Variants in DNAH7 observed in about 807,000 individuals in gnomAD.
DNAH7 encodes dynein axonemal heavy chain 7, also known as axonemal beta dynein heavy chain 7.
DNAH7 carries 397 observed loss-of-function variants against 444.6 expected under a neutral mutation model. That is an observed-to-expected ratio of 0.89 (90% CI 0.82 to 0.97). The LOEUF (loss-of-function observed/expected upper bound fraction) is 0.97. DNAH7 is among the 50% of genes least tolerant of loss of function. The probability of loss-of-function intolerance (pLI) is 0.00; values close to 1 mark genes in which losing one functional copy is unlikely to be tolerated. For missense variants in DNAH7, 4,902 were observed against 4,800.8 expected, an observed-to-expected ratio of 1.02 and a Z score of -0.62; for synonymous variants, 1,636 against 1,624.4, an observed-to-expected ratio of 1.01 and a Z score of -0.17.
At chr2:196,057,997 G>A (rs945548530) in intron 2 of DNAH7, 57 bp downstream of exon 2, 2 of 1,274,634 alleles carry the variant, frequency 1.6e-6, no homozygotes. Context: ...AGCTTGAAAA[G>A]TAGTAAACAA....
intron 58 of DNAH7, among the ~76,000 whole-genome samples, chr2:195,781,976 TACACACAC>T (rs59244207): frequency 7.7e-4 from 100 of 129,830 alleles, no homozygotes; most frequent in East Asian, 2.4e-3. Flanking sequence ...GTGGGTCTTA[TACACACAC>T]ACACACACAC....
chr2:195,900,870 A>G (rs1221777015), intron 27 of DNAH7: 1 of 160,818 alleles, frequency 6.2e-6, no homozygotes, highest in Non-Finnish European at 1.4e-5. Flanking sequence ...TGATTTGATC[A>G]TTACACATCG....
intron 21 of DNAH7, among the ~76,000 whole-genome samples, chr2:195,933,341 C>G (rs567161813): frequency 8.9e-4 from 136 of 152,242 alleles, no homozygotes; most frequent in Non-Finnish European, 5.9e-4. Flanking sequence ...GTCAGTGTGG[C>G]GATTCCTCAG....
At chr2:195,813,277 A>G (rs1019066815) in intron 51 of DNAH7, among the ~76,000 whole-genome samples, 17 of 152,216 alleles carry the variant, frequency 1.1e-4, no homozygotes, top group Non-Finnish European at 2.4e-4. Flanking sequence ...AAATAAGGAG[A>G]GAGATTTTCC....
intron 5 of DNAH7, among the ~76,000 whole-genome samples, chr2:196,034,386 A>C (rs1278548980): frequency 6.6e-6 from 1 of 152,220 alleles, no homozygotes; most frequent in African/African-American, 2.4e-5. Flanking sequence ...CCGAAGATCT[A>C]AATAAGTGGA....
At position 195,876,716 on chromosome 2, in the gene DNAH7, T is replaced by C. The variant is rs374407174; in HGVS notation, c.5962-17A>G. ...AAGAAAATTCTATATAACAAAATAA[T>C]AAAATGAGCCATAGTTGGAATTATG... On this transcript the variant is annotated splice_polypyrimidine_tract_variant and intron_variant, in intron 36 of 64. Coordinates refer to ENST00000312428, the MANE Select transcript of DNAH7 (RefSeq NM_018897.3). The C allele has an allele frequency of 5.8e-5, 86 of 1,490,180 alleles. No homozygotes were observed. The highest frequency in any genetic ancestry group is 7.2e-5 in the Non-Finnish European group (78 of 1,082,068). The allele number at this position is 1,490,180 out of a possible 1,614,324, so 92.3% of individuals were successfully genotyped here. A position where few individuals can be genotyped will look rare whatever the true frequency, so the allele number is the denominator to read the frequency against.
intron 3 of DNAH7, 72 bp from the exon 4 acceptor site, chr2:196,048,476 T>G (rs769969370): frequency 3.4e-5 from 43 of 1,260,200 alleles, no homozygotes; most frequent in Non-Finnish European, 4.7e-5. Flanking sequence ...AATGCACGAG[T>G]GTTTATAAAC....
At chr2:195,896,014 C>A (rs768381634) in intron 29 of DNAH7, among the ~76,000 whole-genome samples, 4 of 152,176 alleles carry the variant, frequency 2.6e-5, no homozygotes, top group Non-Finnish European at 4.4e-5. Context: ...AAAGTGACTA[C>A]AAACATTTGT....
chr2:195,864,117 T>C, intron 41 of DNAH7, 32 bp downstream of exon 41: 2 of 1,591,792 alleles, frequency 1.3e-6, no homozygotes, highest in Non-Finnish European at 1.7e-6. Context: ...TCAACATTTC[T>C]AGAAGTCTAT....
At chr2:195,777,171 T>C (rs1415712926) in intron 59 of DNAH7, among the ~76,000 whole-genome samples, 1 of 152,180 alleles carries the variant, frequency 6.6e-6, no homozygotes, top group Non-Finnish European at 1.5e-5. Context: ...GGGAATAACA[T>C]GAGAACCAAC....
rs1394734955 is a variant in DNAH7, at chr2:196,058,082, G to T, written c.50C>A (p.Pro17Gln). Residue 17 changes from proline to glutamine, a missense_variant, in exon 2 of 65, where the codon CCA (proline) becomes CAA (glutamine). Physicochemically the swap from Pro to Gln is moderately conservative, Grantham distance 76 (BLOSUM62 -1). Coordinates refer to ENST00000312428, the MANE Select transcript of DNAH7 (RefSeq NM_018897.3). ...AGACAGCTGTGGTAGAAATCTTACT[G>T]GTTTCTTGGATTTTTCTTTGCTGGC... The part of the protein sequence containing the change: ...KSASKEKSKK[P>Q]VRFLPQLSME... 1.9e-6 allele frequency: 3 copies of T among 1,576,206 alleles called. No homozygotes were observed. The highest frequency in any genetic ancestry group is 2.6e-6 in the Non-Finnish European group (3 of 1,160,224).
intron 5 of DNAH7, among the ~76,000 whole-genome samples, chr2:196,039,753 T>C (rs538264539): frequency 7.8e-4 from 114 of 146,622 alleles, no homozygotes; most frequent in African/African-American, 2.4e-3. Context: ...GAGCCTAGGT[T>C]ACATCACTGT....
At chr2:195,885,778 G>A (rs958860271) in intron 34 of DNAH7, among the ~76,000 whole-genome samples, 8 of 151,952 alleles carry the variant, frequency 5.3e-5, no homozygotes, top group Non-Finnish European at 7.4e-5. Context: ...AAAAATCAAG[G>A]GAAATAAAGC....
intron 64 of DNAH7, among the ~76,000 whole-genome samples, chr2:195,738,982 G>A (rs1225780897): frequency 6.6e-6 from 1 of 152,114 alleles, no homozygotes; most frequent in Non-Finnish European, 1.5e-5. Context: ...CCACAAGGCA[G>A]TTTTGCAAAT....
At chr2:196,007,939 G>A (rs903904062) in intron 10 of DNAH7, among the ~76,000 whole-genome samples, 1 of 152,008 alleles carries the variant, frequency 6.6e-6, no homozygotes. Flanking sequence ...ATGAGACTTC[G>A]TCAAAATTAA....
intron 48 of DNAH7, 115 bp from the exon 49 acceptor site, chr2:195,824,560 C>T: frequency 2.3e-6 from 2 of 874,208 alleles, no homozygotes; most frequent in Non-Finnish European, 3.3e-6. Context: ...TCCTAGATAC[C>T]TACAAAATTA....
intron 12 of DNAH7, among the ~76,000 whole-genome samples, chr2:195,989,504 T>C (rs1693156834): frequency 6.6e-6 from 1 of 152,236 alleles, no homozygotes; most frequent in African/African-American, 2.4e-5. Flanking sequence ...GATAAATGTC[T>C]TGTCAGGTTT....
intron 29 of DNAH7, among the ~76,000 whole-genome samples, chr2:195,895,552 C>G (rs536709242): frequency 3.9e-5 from 6 of 152,114 alleles, no homozygotes; most frequent in Non-Finnish European, 7.4e-5. Flanking sequence ...CCATCCCCCA[C>G]GTCAGCCTCC....
intron 19 of DNAH7, among the ~76,000 whole-genome samples, chr2:195,938,344 T>TCACACACACACACACACACA (rs68056425): frequency 7.5e-6 from 1 of 134,082 alleles, no homozygotes; most frequent in African/African-American, 2.6e-5. Context: ...AAATAGACAT[T>TCACACACACACACACACACA]CACACACACA....
Sources: gnomAD v4.1 joint callset for allele counts (sites outside exome capture counted in the v4.1 genomes callset) on GRCh38, gnomAD v4.1.1 for gene constraint, MANE v1.5 for transcripts, NCBI Gene and HGNC (gene_info 2026-07-23, HGNC 2026-07-21) for gene names.